Variants in JAK2 observed in about 807,000 individuals in gnomAD.
JAK2 encodes the protein Janus kinase 2, also known as tyrosine-protein kinase JAK2.
JAK2 carries 86 observed loss-of-function variants against 139.3 expected under a neutral mutation model. The ratio of observed to expected loss-of-function variants is 0.62; its 90% confidence interval spans 0.52 to 0.74. The LOEUF (loss-of-function observed/expected upper bound fraction) is 0.74, where lower values mean the gene tolerates loss of function less well. Among genes scored for constraint, JAK2 ranks in the 30% least tolerant of loss-of-function variants. JAK2 has a pLI of 0.00. For synonymous variants in JAK2, 490 were observed against 437.7 expected, an observed-to-expected ratio of 1.12 and a Z score of -1.49; for missense variants, 1,421 against 1,360.3, an observed-to-expected ratio of 1.04 and a Z score of -0.70.
intron 2 of JAK2, among the ~76,000 whole-genome samples, chr9:4,998,808 C>A (rs1820751503): frequency 6.6e-6 from 1 of 151,556 alleles, no homozygotes; most frequent in South Asian, 2.1e-4. Flanking sequence ...TTTATATTTT[C>A]TTCTCTTCAT....
chr9:5,099,194 C>T (rs1821268813), intron 22 of JAK2: 1 of 152,200 alleles, frequency 6.6e-6, no homozygotes, highest in South Asian at 2.1e-4. Context: ...TTAAATCAAA[C>T]TACCTTAACC....
At chr9:5,019,319 A>G (rs1013018694) in intron 2 of JAK2, among the ~76,000 whole-genome samples, 2 of 152,090 alleles carry the variant, frequency 1.3e-5, no homozygotes, top group Admixed American at 6.5e-5. Context: ...TTCTTCGTAG[A>G]TGCTCTAGAA....
intron 22 of JAK2, among the ~76,000 whole-genome samples, chr9:5,107,044 C>T (rs1037535362): frequency 1.1e-4 from 16 of 152,142 alleles, no homozygotes; most frequent in African/African-American, 3.4e-4. Flanking sequence ...AATATATATA[C>T]ATCACTTTAC....
At chr9:5,114,009 G>T (rs1822901863) in intron 22 of JAK2, 2 of 290,920 alleles carry the variant, frequency 6.9e-6, no homozygotes, top group Non-Finnish European at 1.4e-5. Context: ...GGTCGTGGAT[G>T]TGAACTGGTC....
chr9:5,060,585 A>G (rs775351054), intron 8 of JAK2, among the ~76,000 whole-genome samples: 15 of 152,210 alleles, frequency 9.9e-5, no homozygotes, highest in Non-Finnish European at 2.2e-4. Context: ...GATTGTAGCA[A>G]TTCAGTCACA....
intron 23 of JAK2, among the ~76,000 whole-genome samples, chr9:5,125,723 ATTTCT>A (rs1473750199): frequency 6.6e-6 from 1 of 151,342 alleles, no homozygotes; most frequent in Non-Finnish European, 1.5e-5. Context: ...TTTAATTTCC[ATTTCT>A]TTTCTTAATG....
chr9:5,075,146 G>A (rs1208437361), intron 14 of JAK2, among the ~76,000 whole-genome samples: 1 of 152,108 alleles, frequency 6.6e-6, no homozygotes, highest in Non-Finnish European at 1.5e-5. Flanking sequence ...GAAGCTAGCA[G>A]AGGTTGGTTC....
chr9:5,089,601 T>TATA, intron 19 of JAK2, 73 bp from the exon 20 acceptor site: 1 of 478,904 alleles, frequency 2.1e-6, no homozygotes. Flanking sequence ...GAATTTTCTA[T>TATA]ATAATTATAA....
intron 2 of JAK2, among the ~76,000 whole-genome samples, chr9:4,991,600 G>C (rs1234615216): frequency 6.6e-5 from 10 of 152,034 alleles, no homozygotes; most frequent in Admixed American, 6.6e-4. Flanking sequence ...AATTTAAAAA[G>C]GTGGGATCAC....
intron 4 of JAK2, among the ~76,000 whole-genome samples, chr9:5,044,184 G>A (rs1433204763): frequency 1.3e-5 from 2 of 152,124 alleles, no homozygotes; most frequent in Non-Finnish European, 2.9e-5. Flanking sequence ...TGCACTGAAG[G>A]AGGTAGTATA....
intron 2 of JAK2, among the ~76,000 whole-genome samples, chr9:5,016,915 A>G (rs1249559671): frequency 6.6e-6 from 1 of 152,258 alleles, no homozygotes; most frequent in African/African-American, 2.4e-5. Flanking sequence ...TTGACGGCAT[A>G]GTAGCTGAGA....
intron 22 of JAK2, chr9:5,111,363 T>A (rs1357412687): frequency 2.5e-6 from 1 of 405,824 alleles, no homozygotes; most frequent in Non-Finnish European, 4.8e-6. Context: ...GTACTACCCC[T>A]CCTACGCCAG....
chr9:5,074,545 A>G (rs1819184106), intron 14 of JAK2, among the ~76,000 whole-genome samples: 1 of 152,150 alleles, frequency 6.6e-6, no homozygotes, highest in South Asian at 2.1e-4. Context: ...CCAAACAGAG[A>G]GAATATAAGA....
At chr9:5,096,772 T>G (rs1255038230) in intron 22 of JAK2, 1 of 152,198 alleles carries the variant, frequency 6.6e-6, no homozygotes, top group Non-Finnish European at 1.5e-5. Flanking sequence ...TTAAGCCTTC[T>G]AATTTGAGCA....
At chr9:5,052,406 AT>A (rs202102423) in intron 6 of JAK2, among the ~76,000 whole-genome samples, 3 of 151,198 alleles carry the variant, frequency 2.0e-5, no homozygotes, top group Non-Finnish European at 3.0e-5. Context: ...ATGCTGCATC[AT>A]TTTTTTTTAC....
At chr9:5,113,871 C>A (rs1462593493) in intron 22 of JAK2, 2 of 211,626 alleles carry the variant, frequency 9.5e-6, no homozygotes, top group East Asian at 3.1e-4. Flanking sequence ...ACTTCACCCT[C>A]CCCACCGTGA....
chr9:4,990,282 A>G (rs1280936119), intron 2 of JAK2, among the ~76,000 whole-genome samples: 1 of 152,200 alleles, frequency 6.6e-6, no homozygotes, highest in Non-Finnish European at 1.5e-5. Context: ...CTCAGACCAG[A>G]GAGATTTAAA....
chr9:4,991,509 C>T (rs371276063), intron 2 of JAK2, among the ~76,000 whole-genome samples: 1 of 152,128 alleles, frequency 6.6e-6, no homozygotes, highest in South Asian at 2.1e-4. Context: ...ACCCTGCTCT[C>T]AGCATGGTAT....
At chr9:5,096,928 C>G (rs1335605357) in intron 22 of JAK2, 1 of 152,078 alleles carries the variant, frequency 6.6e-6, no homozygotes, top group African/African-American at 2.4e-5. Flanking sequence ...CTGATAATTG[C>G]TGCCCCTGAT....
Sources: gnomAD v4.1 joint callset for allele counts (sites outside exome capture counted in the v4.1 genomes callset) on GRCh38, gnomAD v4.1.1 for gene constraint, MANE v1.5 for transcripts, NCBI Gene and HGNC (gene_info 2026-07-23, HGNC 2026-07-21) for gene names.